CHST11: variants seen among roughly 807,000 people sequenced by gnomAD.
CHST11 encodes the protein C4S-1.
A neutral mutation model predicts 30.4 loss-of-function variants in CHST11; 9 were observed. That is an observed-to-expected ratio of 0.30 (90% CI 0.18 to 0.52). CHST11 has a LOEUF of 0.52. Among genes scored for constraint, CHST11 ranks in the 20% least tolerant of loss-of-function variants. The pLI, the probability that CHST11 is intolerant of heterozygous loss-of-function variation, is 0.97. For missense variants in CHST11, 348 were observed against 460.6 expected, an observed-to-expected ratio of 0.76 and a Z score of 2.24; for synonymous variants, 152 against 187.8, an observed-to-expected ratio of 0.81 and a Z score of 1.56.
In CHST11 at chr12:104,514,529, T is replaced by TA. The variant is rs926345544; in HGVS notation, c.118+57008dup. On this transcript the variant is annotated intron_variant, in intron 1 of 2. Transcript: ENST00000303694. ...TGTGCTAAGCTTTACAACATTTCTC[T>TA]AAAAAAAAGAAAAAAGAAATAGAGG... The TA allele has an allele frequency of 1.5e-4, 80 of 538,196 alleles. 1 individual carries two copies. The highest frequency in any genetic ancestry group is 1.1e-3 in the Middle Eastern group (2 of 1,900). 33.3% of individuals were successfully genotyped at this position (538,196 alleles called of 1,614,324 possible).
chr12:104,611,423 A>G (rs1232402078), intron 2 of CHST11, among the ~76,000 whole-genome samples: 6 of 152,172 alleles, frequency 3.9e-5, no homozygotes. Context: ...CATCCTGCCC[A>G]TGTTATGACA....
At chr12:104,708,088 G>A (rs761284518) in intron 2 of CHST11, among the ~76,000 whole-genome samples, 43 of 152,194 alleles carry the variant, frequency 2.8e-4, no homozygotes, top group Non-Finnish European at 5.4e-4. Context: ...TCCTCCCCGG[G>A]GAGATTGTCG....
At chr12:104,589,445 G>A (rs1187243395) in intron 1 of CHST11, among the ~76,000 whole-genome samples, 1 of 150,860 alleles carries the variant, frequency 6.6e-6, no homozygotes, top group Non-Finnish European at 1.5e-5. Context: ...ACAGGAAATA[G>A]AATGGGGGTT....
In CHST11 at chr12:104,757,980, G is replaced by A. The variant is rs1475390777; in HGVS notation, c.*177G>A. ...TAGGGAAGGACAGCTGTCTTTGCAG[G>A]GGAAATAGGATGGGTCGTCCTTGTC... is the stretch of plus-strand genomic sequence containing the variant. On this transcript the variant is annotated 3_prime_UTR_variant, in exon 3 of 3. Coordinates refer to ENST00000303694, the MANE Select transcript of CHST11 (RefSeq NM_018413.6). This position sits in a 1 kb window ranked among gnomAD's most constrained non-coding sequence, Gnocchi z 6.5. 4 of 688,280 alleles carry A rather than the reference G, an allele frequency of 5.8e-6. No homozygotes were observed. Among genetic ancestry groups the A allele is most frequent in the Admixed American group, 6.1e-5 (2 of 32,524 alleles). 42.6% of individuals were successfully genotyped at this position (688,280 alleles called of 1,614,324 possible). A position where few individuals can be genotyped will look rare whatever the true frequency, so the allele number is the denominator to read the frequency against.
At chr12:104,706,395 A>G (rs977496183) in intron 2 of CHST11, among the ~76,000 whole-genome samples, 6 of 149,076 alleles carry the variant, frequency 4.0e-5, no homozygotes, top group African/African-American at 7.4e-5. Context: ...AAAACAAACA[A>G]ACAAAAACAG....
intron 2 of CHST11, among the ~76,000 whole-genome samples, chr12:104,674,415 G>A (rs2039722124): frequency 6.6e-6 from 1 of 152,186 alleles, no homozygotes; most frequent in Admixed American, 6.5e-5. Context: ...CGAGGAAGGT[G>A]CTGTTACAAT....
At chr12:104,744,844 CATTTATTTATTTATTTATTT>C (rs142255091) in intron 2 of CHST11, among the ~76,000 whole-genome samples, 3 of 148,200 alleles carry the variant, frequency 2.0e-5, no homozygotes, top group East Asian at 4.0e-4. Context: ...ATCCCAGCAT[CATTTATTTATTTATTTATTT>C]ATTTATTTAT....
At chr12:104,597,846 G>C (rs2038921606) in intron 1 of CHST11, among the ~76,000 whole-genome samples, 1 of 152,214 alleles carries the variant, frequency 6.6e-6, no homozygotes, top group Non-Finnish European at 1.5e-5. Context: ...GGAGACTAGG[G>C]AGATGTTTGA....
chr12:104,718,136 A>G (rs2040146146), intron 2 of CHST11, among the ~76,000 whole-genome samples: 1 of 152,184 alleles, frequency 6.6e-6, no homozygotes, highest in South Asian at 2.1e-4. Context: ...TTTGCCAAGC[A>G]TGAGATGCCC....
intron 2 of CHST11, among the ~76,000 whole-genome samples, chr12:104,692,775 AT>A (rs1446157210): frequency 6.6e-6 from 1 of 152,064 alleles, no homozygotes; most frequent in Non-Finnish European, 1.5e-5. Flanking sequence ...ATATGCAAGG[AT>A]CTAGGTTGCA....
chr12:104,614,992 T>G (rs920879451), intron 2 of CHST11, among the ~76,000 whole-genome samples: 15 of 152,200 alleles, frequency 9.9e-5, no homozygotes, highest in African/African-American at 3.6e-4. Flanking sequence ...TCCAGACTTC[T>G]AGAAAAGTCA....
chr12:104,554,683 G>A (rs890729021), intron 1 of CHST11, among the ~76,000 whole-genome samples: 48 of 152,152 alleles, frequency 3.2e-4, no homozygotes, highest in Admixed American at 6.5e-5. Flanking sequence ...GCTCTGCTTC[G>A]ATCTGTGCAA....
At chr12:104,478,277 T>G (rs1169119640) in intron 1 of CHST11, among the ~76,000 whole-genome samples, 1 of 152,166 alleles carries the variant, frequency 6.6e-6, no homozygotes. Flanking sequence ...ATATTTTAAT[T>G]TTATTATTTT....
At chr12:104,641,727 G>A (rs1197339533) in intron 2 of CHST11, among the ~76,000 whole-genome samples, 1 of 152,144 alleles carries the variant, frequency 6.6e-6, no homozygotes, top group African/African-American at 2.4e-5. Flanking sequence ...ACAAAACTGG[G>A]TGGACCCTAC....
intron 2 of CHST11, among the ~76,000 whole-genome samples, chr12:104,727,938 A>G (rs2040228520): frequency 6.6e-6 from 1 of 152,242 alleles, no homozygotes; most frequent in Non-Finnish European, 1.5e-5. Flanking sequence ...TCAGGCAGGC[A>G]CAGGGGAGAG....
At chr12:104,586,088 A>G (rs2038801792) in intron 1 of CHST11, among the ~76,000 whole-genome samples, 1 of 152,140 alleles carries the variant, frequency 6.6e-6, no homozygotes, top group South Asian at 2.1e-4. Flanking sequence ...CCACTATATC[A>G]CGGTCATAGC....
At chr12:104,744,354 G>C (rs112797720) in intron 2 of CHST11, among the ~76,000 whole-genome samples, 16,032 of 152,244 alleles carry the variant, frequency 0.11, 1,060 homozygotes, top group East Asian at 0.24. Context: ...CTAATGATCA[G>C]TGATGCGGAA....
At chr12:104,607,937 G>C (rs554342812) in intron 2 of CHST11, among the ~76,000 whole-genome samples, 6 of 152,230 alleles carry the variant, frequency 3.9e-5, no homozygotes, top group African/African-American at 1.4e-4. Context: ...CCCCTTCCAG[G>C]CCTCAGCATT....
At chr12:104,735,836 C>G (rs993807478) in intron 2 of CHST11, among the ~76,000 whole-genome samples, 1 of 152,102 alleles carries the variant, frequency 6.6e-6, no homozygotes, top group African/African-American at 2.4e-5. Flanking sequence ...GTTTAAAGCA[C>G]AAGGACAGCA....
Sources: allele counts gnomAD v4.1 joint callset (sites outside exome capture counted in the v4.1 genomes callset), GRCh38; gene constraint gnomAD v4.1.1; non-coding constraint Gnocchi (gnomAD v3.1); transcripts MANE v1.5; gene names NCBI Gene and HGNC (gene_info 2026-07-23, HGNC 2026-07-21).